PRLR: variants seen among roughly 807,000 people sequenced by gnomAD.
PRLR encodes hPRL receptor.
PRLR carries 13 observed loss-of-function variants against 40.2 expected under a neutral mutation model. The observed-to-expected ratio is 0.32, with a 90% CI of 0.21 to 0.51. The LOEUF is 0.51. PRLR is among the 20% of genes least tolerant of loss of function. The pLI, the probability that PRLR is intolerant of heterozygous loss-of-function variation, is 0.97. For missense variants in PRLR, 656 were observed against 747.3 expected (o/e 0.88, Z 1.42); for synonymous variants, 269 against 278.7 (o/e 0.97, Z 0.35).
At position 35,154,583 on chromosome 5, in the gene PRLR, A is replaced by G. The variant is rs564945182; in HGVS notation, c.-105-36461T>C. Among the ~76,000 whole-genome samples, 239 of 152,280 alleles carry G rather than the reference A, an allele frequency of 1.6e-3. 2 individuals carry two copies. The highest frequency in any genetic ancestry group is 5.8e-3 in the Admixed American group (88 of 15,302). On this transcript the variant is annotated intron_variant, in intron 1 of 9. Transcript: ENST00000618457. The stretch of plus-strand genomic sequence containing the variant: ...AACCACTATGGAAGACAGTGTGGCA[A>G]TTCCTCAAAGACCCAGAGGCAGAAA...
At chr5:35,105,005 C>T (rs1024408556) in intron 2 of PRLR, among the ~76,000 whole-genome samples, 1 of 152,174 alleles carries the variant, frequency 6.6e-6, no homozygotes, top group Admixed American at 6.5e-5. Flanking sequence ...CACGCAGGTG[C>T]CCCTCTGAGA....
At chr5:35,100,984 G>A (rs1222450745) in intron 2 of PRLR, among the ~76,000 whole-genome samples, 4 of 152,108 alleles carry the variant, frequency 2.6e-5, no homozygotes, top group Non-Finnish European at 1.5e-5. Context: ...TATTTAGTTG[G>A]GCAAATCTAG....
In PRLR at chr5:35,056,074, AT is replaced by A. The variant is rs1243760423; in HGVS notation, c.*9014del. 6.6e-6 allele frequency: 1 copy of A among 152,124 alleles called. No homozygotes were observed. Among genetic ancestry groups the A allele is most frequent in the African/African-American group, 2.4e-5 (1 of 41,426 alleles). 9.4% of individuals were successfully genotyped at this position (152,124 alleles called of 1,614,324 possible). ...TCCTCTTTCCTTTTCTTAAGAAAAT[AT>A]TTTATCACATTCGTAAAAGTATCTG... On this transcript the variant is annotated 3_prime_UTR_variant, in exon 10 of 10. Coordinates refer to ENST00000618457, the MANE Select transcript of PRLR (RefSeq NM_000949.7).
intron 2 of PRLR, among the ~76,000 whole-genome samples, chr5:35,105,806 G>A (rs1772202499): frequency 1.3e-5 from 2 of 152,176 alleles, no homozygotes; most frequent in African/African-American, 4.8e-5. Context: ...CACTCTGCAG[G>A]ATATTATCCA....
intron 2 of PRLR, among the ~76,000 whole-genome samples, chr5:35,096,360 A>C (rs928035617): frequency 2.0e-5 from 3 of 152,176 alleles, no homozygotes; most frequent in Non-Finnish European, 4.4e-5. Flanking sequence ...TTTGGCTTAA[A>C]GGCAAGAATA....
chr5:35,136,130 G>A (rs1773851969), intron 1 of PRLR, among the ~76,000 whole-genome samples: 2 of 152,150 alleles, frequency 1.3e-5, no homozygotes, highest in South Asian at 4.1e-4. Context: ...TACAACCTTT[G>A]AGAATTTGAT....
chr5:35,065,827 A>G lies in PRLR; in HGVS notation c.1131T>C (p.Pro377=), dbSNP rs752124713. Residue 377 remains proline (P), a synonymous_variant, in exon 10 of 10, where the codon CCT becomes CCC. Coordinates refer to ENST00000618457, the MANE Select transcript of PRLR (RefSeq NM_000949.7). ...GATTCTCTGGCTTCTCAATGACCTC[A>G]GGATCATAGAATGTGGAGGGATTGG... ...PQANPSTFYD[P]EVIEKPENPE... The G allele has an allele frequency of 6.2e-7, 1 of 1,614,152 alleles. No homozygotes were observed. Among genetic ancestry groups the G allele is most frequent in the East Asian group, 2.2e-5 (1 of 44,860 alleles).
At chr5:35,112,697 T>C (rs966788204) in intron 2 of PRLR, among the ~76,000 whole-genome samples, 6 of 152,188 alleles carry the variant, frequency 3.9e-5, no homozygotes, top group African/African-American at 1.4e-4. Flanking sequence ...CTTGTACCAA[T>C]ACAGCCTGTG....
In PRLR at chr5:35,118,067, G is replaced by T; in HGVS notation, c.-50C>A. ...GAGAACAAGTCCCCCTTACCTTCAG[G>T]GTTCATGTGGAAAGCATCCTCAGTG... is the stretch of plus-strand genomic sequence containing the variant. On this transcript the variant is annotated 5_prime_UTR_variant, in exon 2 of 10. Coordinates refer to ENST00000618457, the MANE Select transcript of PRLR (RefSeq NM_000949.7). 1 of 985,224 alleles carries T rather than the reference G, an allele frequency of 1.0e-6. No individual in the cohort carries two copies. The highest frequency in any genetic ancestry group is 1.2e-6 in the Non-Finnish European group (1 of 829,440). 61.0% of individuals were successfully genotyped at this position (985,224 alleles called of 1,614,324 possible).
chr5:35,083,846 T>G (rs969796080), intron 5 of PRLR, among the ~76,000 whole-genome samples: 7 of 149,020 alleles, frequency 4.7e-5, no homozygotes, highest in Non-Finnish European at 8.9e-5. Flanking sequence ...GAACACCATG[T>G]TTGTCAAGAA....
intron 8 of PRLR, among the ~76,000 whole-genome samples, chr5:35,050,683 C>A (rs769116901): frequency 6.6e-6 from 1 of 152,138 alleles, no homozygotes; most frequent in African/African-American, 2.4e-5. Context: ...TCAGTTAAGT[C>A]CTGAGTGTAA....
chr5:35,159,664 G>C (rs1335370337), intron 1 of PRLR, among the ~76,000 whole-genome samples: 1 of 152,166 alleles, frequency 6.6e-6, no homozygotes, highest in Non-Finnish European at 1.5e-5. Context: ...AGAAACCCAA[G>C]TAATTCCTTT....
In PRLR at chr5:35,089,622, T is replaced by G. The variant is rs1450188378; in HGVS notation, c.-2A>C. ...TGCAGATGCCACATTTTCCTTCATG[T>G]TGGCTGCCTTCTCTTGCTGCAGGAA... On this transcript the variant is annotated 5_prime_UTR_variant, in exon 3 of 10. Coordinates refer to ENST00000618457, the MANE Select transcript of PRLR (RefSeq NM_000949.7). 3.7e-6 allele frequency: 6 copies of G among 1,613,952 alleles called. No homozygotes were observed. Among genetic ancestry groups the G allele is most frequent in the Non-Finnish European group, 5.1e-6 (6 of 1,179,928 alleles).
chr5:35,207,281 A>G (rs562310223), intron 1 of PRLR, among the ~76,000 whole-genome samples: 1 of 152,254 alleles, frequency 6.6e-6, no homozygotes, highest in East Asian at 1.9e-4. Context: ...ATTAACTATG[A>G]ACACTTATAA....
intron 2 of PRLR, among the ~76,000 whole-genome samples, chr5:35,097,952 G>A (rs1771634017): frequency 6.6e-6 from 1 of 152,132 alleles, no homozygotes; most frequent in Non-Finnish European, 1.5e-5. Context: ...AGGCAGAGTG[G>A]CTTCCTCTCT....
At chr5:35,139,277 G>A (rs1214326577) in intron 1 of PRLR, among the ~76,000 whole-genome samples, 2 of 152,098 alleles carry the variant, frequency 1.3e-5, no homozygotes, top group Non-Finnish European at 2.9e-5. Flanking sequence ...TGGGATTACA[G>A]TCGTGCGCCA....
At chr5:35,208,599 A>G (rs541702650) in intron 1 of PRLR, among the ~76,000 whole-genome samples, 1 of 152,218 alleles carries the variant, frequency 6.6e-6, no homozygotes, top group Non-Finnish European at 1.5e-5. Context: ...AAAAAAATGA[A>G]CAAACTTCAA....
chr5:35,090,882 C>T (rs1033658298), intron 2 of PRLR, among the ~76,000 whole-genome samples: 4 of 136,886 alleles, frequency 2.9e-5, no homozygotes, highest in South Asian at 2.4e-4. Context: ...GCGATCTGGG[C>T]TCACTGCAAG....
intron 5 of PRLR, chr5:35,081,621 A>G (rs1770525248): frequency 1.3e-5 from 2 of 152,978 alleles, no homozygotes; most frequent in Non-Finnish European, 2.9e-5. Context: ...AGAATCTCAT[A>G]TACACTTGAT....
Sources: allele counts gnomAD v4.1 joint callset (sites outside exome capture counted in the v4.1 genomes callset), GRCh38; gene constraint gnomAD v4.1.1; transcripts MANE v1.5; gene names NCBI Gene and HGNC (gene_info 2026-07-23, HGNC 2026-07-21).